The following CDH13 variants were observed in gnomAD, a reference collection of about 807,000 sequenced individuals.
The protein encoded by CDH13 is cadherin-13.
CDH13 carries 24 observed loss-of-function variants against 63.8 expected under a neutral mutation model. The ratio of observed to expected loss-of-function variants is 0.38; its 90% CI spans 0.27 to 0.53. The LOEUF (loss-of-function observed/expected upper bound fraction) is 0.53, where lower values mean the gene tolerates loss of function less well. CDH13 is among the 20% of genes least tolerant of loss of function. The pLI is 0.85. For synonymous variants in CDH13, 503 were observed against 355.3 expected (o/e 1.42, Z -4.67); for missense variants, 1,049 against 903.1 (o/e 1.16, Z -2.07).
At chr16:82,842,702 C>T (rs1053097002) in intron 1 of CDH13, among the ~76,000 whole-genome samples, 3 of 141,302 alleles carry the variant, frequency 2.1e-5, no homozygotes, top group African/African-American at 7.8e-5. Context: ...TTATCGTACA[C>T]TTAATTTCTA....
chr16:83,439,847 T>C (rs1377066333), intron 6 of CDH13, among the ~76,000 whole-genome samples: 3 of 152,218 alleles, frequency 2.0e-5, no homozygotes, highest in Non-Finnish European at 4.4e-5. Context: ...TTCATATATT[T>C]AGTGAGTAGA....
intron 3 of CDH13, among the ~76,000 whole-genome samples, chr16:83,039,026 G>T (rs566243322): frequency 6.6e-6 from 1 of 152,296 alleles, no homozygotes; most frequent in East Asian, 1.9e-4. Flanking sequence ...AAACATGGAA[G>T]CCCACACACT....
intron 1 of CDH13, among the ~76,000 whole-genome samples, chr16:82,759,332 C>T (rs1306141958): frequency 6.6e-6 from 1 of 152,100 alleles, no homozygotes; most frequent in East Asian, 1.9e-4. Context: ...TCAGGCTTTG[C>T]TTTTGGGATT....
At chr16:83,176,218 C>T (rs906173817) in intron 4 of CDH13, among the ~76,000 whole-genome samples, 1 of 150,678 alleles carries the variant, frequency 6.6e-6, no homozygotes, top group African/African-American at 2.4e-5. Flanking sequence ...AAACGTTGTA[C>T]TTAAAGATTG....
intron 8 of CDH13, 75 bp downstream of exon 8, chr16:83,602,669 C>G: frequency 7.0e-7 from 1 of 1,433,566 alleles, no homozygotes; most frequent in Non-Finnish European, 9.8e-7. Context: ...ATTCACGTAC[C>G]ACAGCACCTG....
At chr16:83,214,389 G>T (rs2039431868) in intron 4 of CDH13, among the ~76,000 whole-genome samples, 1 of 151,740 alleles carries the variant, frequency 6.6e-6, no homozygotes, top group Admixed American at 6.6e-5. Context: ...AGATTAGCGT[G>T]GCCAACATGG....
chr16:83,121,107 C>G lies in CDH13; in HGVS notation c.367-4278C>G, dbSNP rs538113565. 7.0e-4 allele frequency among the ~76,000 whole-genome samples: 107 copies of G among 152,098 alleles called. No homozygotes were observed. In the Middle Eastern group the frequency reaches 0.014, roughly 19 times the overall value. ...TGTTGGGTTCGTTTTGGGTGGTTGG[C>G]TTTTTTGTTCGTTTTGTTATATTAT... is the stretch of plus-strand genomic sequence containing the variant. On this transcript the variant is annotated intron_variant, in intron 3 of 13. Coordinates refer to ENST00000567109, the MANE Select transcript of CDH13 (RefSeq NM_001257.5).
intron 1 of CDH13, among the ~76,000 whole-genome samples, chr16:82,690,441 T>A (rs143456175): frequency 6.2e-4 from 94 of 152,296 alleles, no homozygotes; most frequent in African/African-American, 2.2e-3. Flanking sequence ...TGTGGAATAA[T>A]CTTAGGGCTG....
At chr16:82,773,882 C>T (rs1356418914) in intron 1 of CDH13, among the ~76,000 whole-genome samples, 4 of 151,844 alleles carry the variant, frequency 2.6e-5, no homozygotes, top group Non-Finnish European at 5.9e-5. Flanking sequence ...CTCCCGGGTT[C>T]AAGCAATTCT....
At position 83,401,253 on chromosome 16, in the gene CDH13, C is replaced by T. The variant is rs531325383; in HGVS notation, c.781+56247C>T. Reference sequence around the variant, plus strand: ...CTTTGGGGGGCTGAGGCAGGAGAATCGCTTGAACCCAGGAGGCAGAGGTTG... The same window carrying T: ...CTTTGGGGGGCTGAGGCAGGAGAATTGCTTGAACCCAGGAGGCAGAGGTTG... On this transcript the variant is annotated intron_variant, in intron 6 of 13. Coordinates refer to ENST00000567109, the MANE Select transcript of CDH13 (RefSeq NM_001257.5). Among the ~76,000 whole-genome samples, 14 of 151,672 alleles carry T rather than the reference C, an allele frequency of 9.2e-5. No homozygotes were observed. In the East Asian group the frequency reaches 1.9e-3, roughly 21 times the overall value.
chr16:83,699,053 A>G (rs953011608), intron 10 of CDH13, among the ~76,000 whole-genome samples: 1 of 152,204 alleles, frequency 6.6e-6, no homozygotes, highest in African/African-American at 2.4e-5. Flanking sequence ...GAAGGCCTGA[A>G]TCTCATCCAG....
chr16:83,456,167 C>G (rs1012081317), intron 6 of CDH13, among the ~76,000 whole-genome samples: 2 of 152,232 alleles, frequency 1.3e-5, no homozygotes, highest in African/African-American at 4.8e-5. Context: ...GAGCCTCCCA[C>G]TGTTGATAGA....
Position 83,176,371 on chromosome 16 carries a change from G to A in CDH13, c.484-40974G>A, listed in dbSNP as rs890654104. Among the ~76,000 whole-genome samples, 7 of 151,640 alleles carry A rather than the reference G, an allele frequency of 4.6e-5. No individual in the cohort carries two copies. In the East Asian group the frequency reaches 7.9e-4, roughly 17 times the overall value. On this transcript the variant is annotated intron_variant, in intron 4 of 13. Transcript: ENST00000567109. ...CTAAAAATACAAAAATTAGCCTGGC[G>A]TGGTGGCAGGTGCCTGTAATCCCAG...
intron 6 of CDH13, among the ~76,000 whole-genome samples, chr16:83,445,983 A>C (rs192585376): frequency 7.2e-5 from 11 of 152,070 alleles, no homozygotes; most frequent in African/African-American, 2.7e-4. Context: ...TCCCCCATCA[A>C]ACTTTTTTAT....
chr16:82,682,275 T>C (rs895242502), intron 1 of CDH13, among the ~76,000 whole-genome samples: 4 of 152,208 alleles, frequency 2.6e-5, no homozygotes, highest in Non-Finnish European at 5.9e-5. Context: ...ATCAACATGC[T>C]GATTCCATCT....
chr16:83,445,513 A>C (rs933498059), intron 6 of CDH13, among the ~76,000 whole-genome samples: 1 of 152,148 alleles, frequency 6.6e-6, no homozygotes. Context: ...GGAAGCCAAG[A>C]TTCTGGACCG....
intron 2 of CDH13, chr16:82,884,397 T>C (rs1290792453): frequency 5.8e-6 from 2 of 343,906 alleles, no homozygotes; most frequent in Non-Finnish European, 1.1e-5. Flanking sequence ...AAAATGAGAC[T>C]CCTTCTGTTG....
intron 2 of CDH13, among the ~76,000 whole-genome samples, chr16:83,023,387 GTACAGTATCTTA>G (rs1478148411): frequency 2.6e-5 from 4 of 151,924 alleles, no homozygotes; most frequent in African/African-American, 7.2e-5. Context: ...AAATCTCCAT[GTACAGTATCTTA>G]TATGTGTATA....
chr16:83,182,980 A>T (rs1388579329), intron 4 of CDH13, among the ~76,000 whole-genome samples: 1 of 152,128 alleles, frequency 6.6e-6, no homozygotes, highest in Admixed American at 6.5e-5. Flanking sequence ...TTTGATTCAC[A>T]GTAAAAAAGA....
Sources: allele counts gnomAD v4.1 joint callset (sites outside exome capture counted in the v4.1 genomes callset), GRCh38; gene constraint gnomAD v4.1.1; transcripts MANE v1.5; gene names NCBI Gene and HGNC (gene_info 2026-07-23, HGNC 2026-07-21).